KCNAB1: variants seen among roughly 807,000 people sequenced by gnomAD.
KCNAB1 encodes potassium voltage-gated channel subfamily A regulatory beta subunit 1, also known as voltage-gated potassium channel subunit beta-1.
Under a neutral mutation model 64.6 loss-of-function variants are expected in KCNAB1, and 35 were observed. The observed-to-expected ratio is 0.54, with a 90% CI of 0.41 to 0.72. The LOEUF is 0.72. Ranked by LOEUF, KCNAB1 falls within the 30% of genes least tolerant of loss-of-function variation. The pLI is 0.00. For missense variants in KCNAB1, 401 were observed against 512.9 expected (o/e 0.78, Z 2.11); for synonymous variants, 177 against 183.8 (o/e 0.96, Z 0.30).
chr3:156,196,739 A>G (rs1217812586), intron 1 of KCNAB1, among the ~76,000 whole-genome samples: 4 of 152,218 alleles, frequency 2.6e-5, no homozygotes, highest in Admixed American at 6.5e-5. Flanking sequence ...TAAATATACA[A>G]TCATGTCATC....
intron 5 of KCNAB1, 76 bp downstream of exon 5, chr3:156,459,947 G>T: frequency 9.9e-7 from 1 of 1,014,532 alleles, no homozygotes; most frequent in South Asian, 1.4e-5. Context: ...AAAATTATAT[G>T]ACACCTGACC....
At chr3:156,487,566 C>T (rs532116431) in intron 8 of KCNAB1, among the ~76,000 whole-genome samples, 8 of 152,190 alleles carry the variant, frequency 5.3e-5, no homozygotes, top group African/African-American at 1.9e-4. Context: ...TACTTTTAGA[C>T]TTAAAATTTT....
intron 1 of KCNAB1, among the ~76,000 whole-genome samples, chr3:156,299,575 A>G (rs1469059960): frequency 3.3e-5 from 5 of 152,236 alleles, no homozygotes; most frequent in African/African-American, 9.6e-5. Flanking sequence ...TGTGCTGAAC[A>G]TACTTAACTC....
At chr3:156,383,368 A>T (rs368529075) in intron 1 of KCNAB1, among the ~76,000 whole-genome samples, 2 of 152,280 alleles carry the variant, frequency 1.3e-5, no homozygotes, top group African/African-American at 4.8e-5. Context: ...ATCCTGGGTG[A>T]AGATGGTCCC....
At chr3:156,332,280 A>C (rs1723389660) in intron 1 of KCNAB1, among the ~76,000 whole-genome samples, 1 of 152,196 alleles carries the variant, frequency 6.6e-6, no homozygotes, top group Non-Finnish European at 1.5e-5. Context: ...TCAGGCATAA[A>C]TAGTTTGATG....
intron 1 of KCNAB1, among the ~76,000 whole-genome samples, chr3:156,179,000 CAAAAAAAAAAAAA>C (rs200144513): frequency 2.8e-5 from 3 of 108,072 alleles, no homozygotes; most frequent in Non-Finnish European, 3.6e-5. Flanking sequence ...GACTCCGTCT[CAAAAAAAAAAAAA>C]AAAAAAAAAA....
chr3:156,259,475 T>C (rs1237382418), intron 1 of KCNAB1, among the ~76,000 whole-genome samples: 1 of 152,168 alleles, frequency 6.6e-6, no homozygotes, highest in Non-Finnish European at 1.5e-5. Flanking sequence ...TTTCTTTTTG[T>C]TTTGGACTGT....
intron 11 of KCNAB1, among the ~76,000 whole-genome samples, chr3:156,522,977 G>A (rs916939180): frequency 2.6e-5 from 4 of 152,214 alleles, no homozygotes; most frequent in Non-Finnish European, 5.9e-5. Context: ...CTCGCTTTAT[G>A]TAGAAGAGTC....
chr3:156,238,141 C>T lies in KCNAB1; in HGVS notation c.275+117255C>T, dbSNP rs138139420. On this transcript the variant is annotated intron_variant, in intron 1 of 13. Transcript: ENST00000490337. The stretch of plus-strand genomic sequence containing the variant: ...AGCAGGATGTTTAAAAATGGGTTGC[C>T]GGCCGGGCGTGGTGGCTCACGCCTG... 5.8e-3 allele frequency among the ~76,000 whole-genome samples: 884 copies of T among 152,170 alleles called. 11 individuals are homozygous for T. Among genetic ancestry groups the T allele is most frequent in the African/African-American group, 0.02 (842 of 41,496 alleles).
chr3:156,176,815 G>GCT (rs1209558533), intron 1 of KCNAB1: 14 of 896,962 alleles, frequency 1.6e-5, no homozygotes, highest in Non-Finnish European at 2.6e-5. Context: ...CCGGCTCCAG[G>GCT]GCCCGATCCC....
chr3:156,301,210 T>A (rs542590339), intron 1 of KCNAB1, among the ~76,000 whole-genome samples: 1 of 150,052 alleles, frequency 6.7e-6, no homozygotes, highest in African/African-American at 2.4e-5. Flanking sequence ...TTTTATGTTT[T>A]GTTTTTTTTT....
chr3:156,337,305 G>T (rs889422382), intron 1 of KCNAB1, among the ~76,000 whole-genome samples: 6 of 152,310 alleles, frequency 3.9e-5, no homozygotes, highest in African/African-American at 1.4e-4. Context: ...AGCACTATTT[G>T]CCAAGAGAGA....
At position 156,158,184 on chromosome 3, in the gene KCNAB1, AAATAAAT is replaced by A. The variant is rs1248127918; in HGVS notation, c.275+37301_275+37307del. Among the ~76,000 whole-genome samples the A allele has an allele frequency of 1.2e-3, 38 of 32,316 alleles. 2 individuals are homozygous for A. In the Admixed American group the frequency reaches 0.017, roughly 15 times the overall value. The allele number at this position is 32,316 out of a possible 152,430, so 21.2% of individuals were successfully genotyped here. On this transcript the variant is annotated intron_variant, in intron 1 of 13. Transcript: ENST00000490337. ...TGTCTCAAAAAAAAAAATAAAAAATAAATAAATAAATAAATAAATAAATAAATAAATA... is the reference window on the plus strand; with the variant it reads ...TGTCTCAAAAAAAAAAATAAAAAATAAAATAAATAAATAAATAAATAAATA...
rs1020387661 is a variant in KCNAB1 at position 156,341,505 on chromosome 3, C to T, written c.276-80111C>T. Among the ~76,000 whole-genome samples the T allele has an allele frequency of 4.6e-5, 7 of 152,350 alleles. No homozygotes were observed. In the East Asian group the frequency reaches 1.3e-3, roughly 29 times the overall value. ...CTTGCTCACATGCTGTCATTCCCCC[C>T]TCTTGCTACTGTTGTTCTCAGAGCC... is the stretch of plus-strand genomic sequence containing the variant. On this transcript the variant is annotated intron_variant, in intron 1 of 13. Coordinates refer to ENST00000490337, the MANE Select transcript of KCNAB1 (RefSeq NM_172160.3).
At chr3:156,455,858 G>C (rs1256019828) in intron 3 of KCNAB1, 3 of 152,176 alleles carry the variant, frequency 2.0e-5, no homozygotes, top group African/African-American at 7.2e-5. Flanking sequence ...AAACTCAGTA[G>C]GAACAAAGAA....
At chr3:156,322,999 A>G (rs1268062339) in intron 1 of KCNAB1, among the ~76,000 whole-genome samples, 2 of 152,168 alleles carry the variant, frequency 1.3e-5, no homozygotes, top group Admixed American at 1.3e-4. Context: ...GAAGAAGCTC[A>G]TATTTTAAAT....
intron 1 of KCNAB1, among the ~76,000 whole-genome samples, chr3:156,337,535 C>T (rs1216202554): frequency 6.6e-6 from 1 of 152,244 alleles, no homozygotes; most frequent in African/African-American, 2.4e-5. Flanking sequence ...CTGCCTTCTC[C>T]ACCGATGAGT....
At chr3:156,142,169 G>A (rs1376736837) in intron 1 of KCNAB1, among the ~76,000 whole-genome samples, 4 of 152,140 alleles carry the variant, frequency 2.6e-5, no homozygotes, top group African/African-American at 9.7e-5. Context: ...TCAGATATGT[G>A]GTTTGCAAAT....
chr3:156,186,549 A>G (rs752275538), intron 1 of KCNAB1, among the ~76,000 whole-genome samples: 10 of 152,084 alleles, frequency 6.6e-5, no homozygotes, highest in African/African-American at 1.9e-4. Context: ...CTTTTTACAG[A>G]CAAAATGAAA....
Sources: gnomAD v4.1 joint callset for allele counts (sites outside exome capture counted in the v4.1 genomes callset) on GRCh38, gnomAD v4.1.1 for gene constraint, MANE v1.5 for transcripts, NCBI Gene and HGNC (gene_info 2026-07-23, HGNC 2026-07-21) for gene names.